NAF1: variants seen among roughly 807,000 people sequenced by gnomAD.
NAF1 encodes the protein H/ACA ribonucleoprotein complex non-core subunit NAF1.
A neutral mutation model predicts 40.6 loss-of-function variants in NAF1; 11 were observed. The observed-to-expected ratio is 0.27, with a 90% CI of 0.17 to 0.45. The LOEUF (loss-of-function observed/expected upper bound fraction) is 0.45, where lower values mean the gene tolerates loss of function less well. Ranked by LOEUF, NAF1 falls within the 20% of genes least tolerant of loss-of-function variation. NAF1 has a pLI of 1.00. For missense variants in NAF1, 607 were observed against 611.1 expected, an observed-to-expected ratio of 0.99 and a Z score of 0.07; for synonymous variants, 260 against 228.5, an observed-to-expected ratio of 1.14 and a Z score of -1.24.
chr4:163,135,513 A>T (rs1731020184), intron 6 of NAF1: 5 of 152,250 alleles, frequency 3.3e-5, no homozygotes, highest in Admixed American at 3.3e-4. Context: ...GATTTTGGCC[A>T]GGTGCGGTGG....
chr4:163,109,473 C>T (rs1162260074), downstream of NAF1, among the ~76,000 whole-genome samples: 1 of 152,066 alleles, frequency 6.6e-6, no homozygotes, highest in African/African-American at 2.4e-5. Context: ...TGAGTAGTTA[C>T]ACTCCATTTA....
At chr4:163,133,568 G>GCCGGAAAAA in intron 6 of NAF1, 4 of 236,578 alleles carry the variant, frequency 1.7e-5, no homozygotes. Context: ...GAGTATCAAG[G>GCCGGAAAAA]ACTAAGCAAA....
At chr4:163,131,276 C>T (rs937862412) in intron 7 of NAF1, among the ~76,000 whole-genome samples, 4 of 152,236 alleles carry the variant, frequency 2.6e-5, no homozygotes, top group African/African-American at 9.6e-5. Context: ...ACAATTTCTG[C>T]TCCACGAAAG....
intron 7 of NAF1, 59 bp from the exon 8 acceptor site, chr4:163,129,407 A>T: frequency 6.9e-7 from 1 of 1,447,726 alleles, no homozygotes; most frequent in Non-Finnish European, 9.4e-7. Flanking sequence ...ATCAAAAAGC[A>T]TTGTTTGAAA....
chr4:163,156,730 C>T lies in NAF1; in HGVS notation c.540+7487G>A, dbSNP rs1015885556. 3.9e-5 allele frequency among the ~76,000 whole-genome samples: 6 copies of T among 152,202 alleles called. No individual in the cohort carries two copies. The East Asian group carries it at 9.7e-4, about 24-fold the overall frequency. The stretch of plus-strand genomic sequence containing the variant: ...GTATAATTTTAAGACCACATTTTAA[C>T]AGCATGCACCATATTACTAATGAAG... On this transcript the variant is annotated intron_variant, in intron 2 of 7. Coordinates refer to ENST00000274054, the MANE Select transcript of NAF1 (RefSeq NM_138386.3).
chr4:163,111,947 T>G (rs1039461053), intron 2 of NAF1, among the ~76,000 whole-genome samples: 1 of 152,048 alleles, frequency 6.6e-6, no homozygotes, highest in Non-Finnish European at 1.5e-5. Context: ...ACCATCATAG[T>G]TTGCACTGTA....
At chr4:163,126,859 C>A (rs558895747), downstream of NAF1, 13 of 1,392,430 alleles carry the variant, frequency 9.3e-6, no homozygotes, top group Non-Finnish European at 1.2e-5. Flanking sequence ...CACTTGAGTC[C>A]AGACCTTCCA....
chr4:163,154,141 C>G (rs1731868093), intron 2 of NAF1, among the ~76,000 whole-genome samples: 1 of 152,224 alleles, frequency 6.6e-6, no homozygotes, highest in Admixed American at 6.5e-5. Context: ...ACCTTAAGAG[C>G]TGTAACACTC....
intron 4 of NAF1, among the ~76,000 whole-genome samples, chr4:163,142,669 T>C (rs998421099): frequency 1.3e-5 from 2 of 152,230 alleles, no homozygotes; most frequent in African/African-American, 2.4e-5. Context: ...ATAGACAGTA[T>C]GTGGCATGAG....
chr4:163,155,851 T>C (rs540579414), intron 2 of NAF1, among the ~76,000 whole-genome samples: 3 of 152,200 alleles, frequency 2.0e-5, no homozygotes, highest in Non-Finnish European at 4.4e-5. Flanking sequence ...GAAAACATAC[T>C]GTGGGACATT....
At chr4:163,114,553 T>C (rs1730267880) in intron 2 of NAF1, among the ~76,000 whole-genome samples, 1 of 152,214 alleles carries the variant, frequency 6.6e-6, no homozygotes, top group African/African-American at 2.4e-5. Flanking sequence ...GTTAAACCAA[T>C]CTCGTATTCC....
chr4:163,139,748 C>G (rs1023699058), intron 5 of NAF1, among the ~76,000 whole-genome samples: 3 of 152,190 alleles, frequency 2.0e-5, no homozygotes, highest in Admixed American at 6.5e-5. Flanking sequence ...TGTTAGTTGT[C>G]TCTTCTACAA....
At chr4:163,155,504 A>G (rs1197613766) in intron 2 of NAF1, among the ~76,000 whole-genome samples, 1 of 152,218 alleles carries the variant, frequency 6.6e-6, no homozygotes, top group African/African-American at 2.4e-5. Context: ...AACCCGATAT[A>G]GAATCCTCAA....
intron 2 of NAF1, among the ~76,000 whole-genome samples, chr4:163,161,259 G>C (rs938037613): frequency 1.3e-5 from 2 of 152,072 alleles, no homozygotes; most frequent in East Asian, 3.9e-4. Flanking sequence ...GATCACCTGA[G>C]GTAAGAAGTT....
chr4:163,109,187 C>G (rs547730580), downstream of NAF1, among the ~76,000 whole-genome samples: 5 of 139,270 alleles, frequency 3.6e-5, no homozygotes, highest in Non-Finnish European at 6.1e-5. Context: ...CACATGGAAA[C>G]TTAATCTTGG....
chr4:163,106,663 TA>T (rs1021675083), downstream of NAF1, among the ~76,000 whole-genome samples: 14 of 152,114 alleles, frequency 9.2e-5, no homozygotes, highest in Admixed American at 6.5e-4. Context: ...GATTTCAGCC[TA>T]AAAATGGAAT....
At chr4:163,136,871 A>G (rs550128741) in intron 6 of NAF1, among the ~76,000 whole-genome samples, 1 of 152,220 alleles carries the variant, frequency 6.6e-6, no homozygotes, top group Non-Finnish European at 1.5e-5. Context: ...TTAAATTTTT[A>G]AAAAATAATG....
intron 2 of NAF1, among the ~76,000 whole-genome samples, chr4:163,112,675 A>C (rs1730199212): frequency 6.6e-6 from 1 of 152,188 alleles, no homozygotes; most frequent in Admixed American, 6.5e-5. Context: ...GATATCTGCT[A>C]ACCCCAGCAG....
At chr4:163,120,800 G>A (rs1481355759) in intron 2 of NAF1, among the ~76,000 whole-genome samples, 1 of 151,976 alleles carries the variant, frequency 6.6e-6, no homozygotes, top group Non-Finnish European at 1.5e-5. Flanking sequence ...CATATATCTA[G>A]TCTGCCAATG....
Sources: gnomAD v4.1 joint callset for allele counts (sites outside exome capture counted in the v4.1 genomes callset) on GRCh38, gnomAD v4.1.1 for gene constraint, MANE v1.5 for transcripts, NCBI Gene and HGNC (gene_info 2026-07-23, HGNC 2026-07-21) for gene names.